The following FAM210A variants were observed in gnomAD, a reference collection of about 807,000 sequenced individuals.
The protein encoded by FAM210A is family with sequence similarity 210 member A.
A neutral mutation model predicts 25.3 loss-of-function variants in FAM210A; 13 were observed. The ratio of observed to expected loss-of-function variants is 0.51; its 90% CI spans 0.33 to 0.82. The LOEUF (loss-of-function observed/expected upper bound fraction) is 0.82, where lower values mean the gene tolerates loss of function less well. FAM210A is among the 40% of genes least tolerant of loss of function. The pLI is 0.02. For synonymous variants in FAM210A, 125 were observed against 118.7 expected (o/e 1.05, Z -0.35); for missense variants, 319 against 323.2 (o/e 0.99, Z 0.10).
At chr18:13,701,538 T>A (rs1221948812) in intron 1 of FAM210A, among the ~76,000 whole-genome samples, 1 of 152,210 alleles carries the variant, frequency 6.6e-6, no homozygotes, top group Non-Finnish European at 1.5e-5. Context: ...AAAAAAATCA[T>A]TGGCTAAGTT....
chr18:13,673,770 C>T (rs1428440146), intron 2 of FAM210A, among the ~76,000 whole-genome samples: 1 of 150,736 alleles, frequency 6.6e-6, no homozygotes, highest in Admixed American at 6.6e-5. Context: ...CATTCCTGAG[C>T]CCCGACTTCA....
chr18:13,718,486 AGTTC>A (rs2043877073), intron 1 of FAM210A, among the ~76,000 whole-genome samples: 1 of 152,122 alleles, frequency 6.6e-6, no homozygotes, highest in Non-Finnish European at 1.5e-5. Context: ...GACATGTAAT[AGTTC>A]ATAACTTGTT....
At chr18:13,690,067 G>A (rs539431498) in intron 1 of FAM210A, among the ~76,000 whole-genome samples, 84 of 152,332 alleles carry the variant, frequency 5.5e-4, no homozygotes, top group African/African-American at 1.9e-3. Context: ...CTAATACTGC[G>A]CTTTTCCAAC....
chr18:13,724,186 G>A (rs187652021), intron 1 of FAM210A, among the ~76,000 whole-genome samples: 24 of 151,886 alleles, frequency 1.6e-4, no homozygotes, highest in African/African-American at 5.3e-4. Flanking sequence ...ATTTTCTCTC[G>A]GGACATCATA....
intron 1 of FAM210A, among the ~76,000 whole-genome samples, chr18:13,691,407 G>A (rs1282425109): frequency 1.3e-5 from 2 of 152,020 alleles, no homozygotes; most frequent in Non-Finnish European, 2.9e-5. Flanking sequence ...TACAGAGAAC[G>A]CCACAAAGAT....
Position 13,675,252 on chromosome 18 carries a change from G to A in FAM210A, c.474-3279C>T, listed in dbSNP as rs532706500. Among the ~76,000 whole-genome samples, 11 of 126,476 alleles carry A rather than the reference G, an allele frequency of 8.7e-5. No homozygotes were observed. In the South Asian group the frequency reaches 2.7e-3, roughly 31 times the overall value. The allele number at this position is 126,476 out of a possible 152,430, so 83.0% of individuals were successfully genotyped here. ...GTTTCCTGATTATTAACATTCCTGA[G>A]CCCCGACTTCATTATTTCCAGTTTC... On this transcript the variant is annotated intron_variant, in intron 2 of 3. Coordinates refer to ENST00000651643, the MANE Select transcript of FAM210A (RefSeq NM_152352.4).
intron 1 of FAM210A, among the ~76,000 whole-genome samples, chr18:13,685,325 T>G (rs2043587750): frequency 6.6e-6 from 1 of 151,368 alleles, no homozygotes; most frequent in East Asian, 1.9e-4. Flanking sequence ...AGAAAAACTG[T>G]ATTTGTAAAG....
rs1041901572 is a variant in FAM210A, at chr18:13,726,458, C to G, written c.-158G>C. On this transcript the variant is annotated 5_prime_UTR_variant, in exon 1 of 4. Coordinates refer to ENST00000651643, the MANE Select transcript of FAM210A (RefSeq NM_152352.4). ...CGTGGGTCCGCGTGCAGGAACCCGC[C>G]GGGCTCAGCCGGACGCTAGCCCCCT... The G allele has an allele frequency of 1.6e-4, 25 of 152,516 alleles. No homozygotes were observed. Among genetic ancestry groups the G allele is most frequent in the African/African-American group, 5.8e-4 (24 of 41,440 alleles). 9.4% of individuals were successfully genotyped at this position (152,516 alleles called of 1,614,324 possible).
intron 2 of FAM210A, among the ~76,000 whole-genome samples, chr18:13,679,306 T>C (rs938906984): frequency 2.0e-5 from 3 of 152,192 alleles, no homozygotes; most frequent in Admixed American, 2.0e-4. Context: ...ACAGAACTTT[T>C]TCCAGTTAAA....
intron 1 of FAM210A, among the ~76,000 whole-genome samples, chr18:13,722,199 A>T (rs2043902390): frequency 6.6e-6 from 1 of 151,560 alleles, no homozygotes; most frequent in African/African-American, 2.4e-5. Flanking sequence ...CCCAATTAGG[A>T]CCCCCAAGTC....
intron 1 of FAM210A, among the ~76,000 whole-genome samples, chr18:13,709,609 A>G (rs1015688825): frequency 2.0e-5 from 3 of 152,020 alleles, no homozygotes. Flanking sequence ...TTCCTACACC[A>G]CTTATCTTCT....
intron 1 of FAM210A, among the ~76,000 whole-genome samples, chr18:13,709,627 T>C (rs2043806602): frequency 6.6e-6 from 1 of 152,206 alleles, no homozygotes; most frequent in Admixed American, 6.5e-5. Flanking sequence ...TCTAACTTCT[T>C]ATACAATTTA....
chr18:13,721,162 A>G (rs2043895060), intron 1 of FAM210A, among the ~76,000 whole-genome samples: 1 of 152,226 alleles, frequency 6.6e-6, no homozygotes, highest in African/African-American at 2.4e-5. Context: ...AGATCTTGTT[A>G]TGACATAGTG....
chr18:13,714,678 C>A (rs2043846674), intron 1 of FAM210A, among the ~76,000 whole-genome samples: 1 of 152,186 alleles, frequency 6.6e-6, no homozygotes. Context: ...CAGTTGAGAA[C>A]TACAGGAACT....
Position 13,681,914 on chromosome 18 carries a change from C to G in FAM210A, c.164G>C (p.Trp55Ser). The stretch of plus-strand genomic sequence containing the variant: ...ACACTGGGCAGCAGATAAATGCAAC[C>G]ATTGTTTTTGAGGGCCTTGTACCAA... ...VVLVQGPQKQ[W>S]LHLSAAQCVA... is the part of the protein sequence containing the mutation. Residue 55 changes from tryptophan (W) to serine (S), a missense_variant, in exon 2 of 4, where the codon TGG becomes TCG. Trp to Ser is a radical substitution (Grantham distance 177). Coordinates refer to ENST00000651643, the MANE Select transcript of FAM210A (RefSeq NM_152352.4). 6.2e-7 allele frequency: 1 copy of G among 1,614,164 alleles called. No individual in the cohort carries two copies. Among genetic ancestry groups the G allele is most frequent in the Non-Finnish European group, 8.5e-7 (1 of 1,180,040 alleles).
chr18:13,718,182 T>C (rs1807204016), intron 1 of FAM210A, among the ~76,000 whole-genome samples: 1 of 152,154 alleles, frequency 6.6e-6, no homozygotes. Context: ...CTGTGTTGTT[T>C]TAAGTTGCTA....
chr18:13,692,072 T>C (rs2043649764), intron 1 of FAM210A, among the ~76,000 whole-genome samples: 1 of 27,008 alleles, frequency 3.7e-5, no homozygotes, highest in South Asian at 6.9e-4. Context: ...ACTAAGCAAA[T>C]GGAAAACAAA....
chr18:13,671,500 T>A (rs548916468), intron 3 of FAM210A, among the ~76,000 whole-genome samples: 10 of 152,256 alleles, frequency 6.6e-5, no homozygotes, highest in African/African-American at 2.4e-4. Context: ...ATGAATGATC[T>A]ACCAATTTTT....
chr18:13,668,466 C>A (rs993809105), intron 3 of FAM210A, among the ~76,000 whole-genome samples: 1 of 152,220 alleles, frequency 6.6e-6, no homozygotes, highest in Non-Finnish European at 1.5e-5. Flanking sequence ...GCCAACTATA[C>A]ATGGATGATT....
Sources: allele counts gnomAD v4.1 joint callset (sites outside exome capture counted in the v4.1 genomes callset), GRCh38; gene constraint gnomAD v4.1.1; transcripts MANE v1.5; gene names NCBI Gene and HGNC (gene_info 2026-07-23, HGNC 2026-07-21).